The following ELP4 variants were observed in gnomAD, a reference collection of about 807,000 sequenced individuals.
ELP4 encodes elongator acetyltransferase complex subunit 4, also known as elongator complex protein 4.
A neutral mutation model predicts 48.9 loss-of-function variants in ELP4; 51 were observed. That is an observed-to-expected ratio of 1.04 (90% CI 0.83 to 1.32). ELP4 has a LOEUF of 1.32. ELP4 is among the 40% of genes most tolerant of loss of function. The pLI is 0.00. For missense variants in ELP4, 519 were observed against 514.6 expected (o/e 1.01, Z -0.08); for synonymous variants, 210 against 189.2 (o/e 1.11, Z -0.90).
intron 9 of ELP4, among the ~76,000 whole-genome samples, chr11:31,665,231 C>T (rs1945645828): frequency 6.6e-6 from 1 of 152,118 alleles, no homozygotes; most frequent in African/African-American, 2.4e-5. Context: ...CTGAGGTGAA[C>T]ATAGCTACAG....
At chr11:31,544,217 G>A (rs910368016) in intron 3 of ELP4, among the ~76,000 whole-genome samples, 8 of 152,244 alleles carry the variant, frequency 5.3e-5, no homozygotes, top group East Asian at 1.9e-4. Context: ...CTCGGGAAGC[G>A]CAAAGGGTCA....
At chr11:31,575,155 G>T (rs1362715728) in intron 3 of ELP4, among the ~76,000 whole-genome samples, 1 of 152,218 alleles carries the variant, frequency 6.6e-6, no homozygotes, top group Non-Finnish European at 1.5e-5. Context: ...ATAAGCTTCA[G>T]TAGCCAATTT....
At position 31,790,234 on chromosome 11, in the gene ELP4, A is replaced by AC; in HGVS notation, c.*6716dup. The AC allele has an allele frequency of 3.8e-6, 2 of 526,226 alleles. No homozygotes were observed. The highest frequency in any genetic ancestry group is 3.0e-5 in the South Asian group (1 of 33,630). The allele number at this position is 526,226 out of a possible 1,614,324, so 32.6% of individuals were successfully genotyped here. A position where few individuals can be genotyped will look rare whatever the true frequency, so the allele number is the denominator to read the frequency against. On this transcript the variant is annotated 3_prime_UTR_variant, in exon 10 of 10. Transcript: ENST00000640961. The stretch of plus-strand genomic sequence containing the variant: ...TATATATACCTATTGGATCCCAAGT[A>AC]CCCCCCACCCCAATCCAAAGGAAAA...
intron 3 of ELP4, among the ~76,000 whole-genome samples, chr11:31,560,684 A>AACG (rs761710195): frequency 1.8e-5 from 2 of 108,802 alleles, no homozygotes; most frequent in Admixed American, 9.7e-5. Context: ...TAAAGACCAC[A>AACG]TTGTTTTATA....
At chr11:31,565,809 A>C (rs1338564195) in intron 3 of ELP4, among the ~76,000 whole-genome samples, 1 of 152,166 alleles carries the variant, frequency 6.6e-6, no homozygotes, top group African/African-American at 2.4e-5. Context: ...AGGTAGCATG[A>C]TGCCTGCAGC....
At chr11:31,731,614 A>C (rs1236805819) in intron 9 of ELP4, among the ~76,000 whole-genome samples, 1 of 125,068 alleles carries the variant, frequency 8.0e-6, no homozygotes, top group Non-Finnish European at 1.6e-5. Flanking sequence ...TCTGTGAAGA[A>C]GAGAGAAAAA....
At chr11:31,575,703 G>T (rs1255205038) in intron 3 of ELP4, among the ~76,000 whole-genome samples, 3 of 152,164 alleles carry the variant, frequency 2.0e-5, no homozygotes, top group Non-Finnish European at 2.9e-5. Context: ...CTTCATAAGT[G>T]AAGGAGAAAT....
intron 9 of ELP4, among the ~76,000 whole-genome samples, chr11:31,678,523 G>A (rs1945983344): frequency 7.3e-6 from 1 of 137,470 alleles, no homozygotes; most frequent in African/African-American, 3.0e-5. Flanking sequence ...GTGTGTGTGT[G>A]TGTGTGTGTG....
rs1956561697 is a variant in ELP4, at chr11:31,539,645, A to G, written c.260-17A>G. 6.3e-7 allele frequency: 1 copy of G among 1,592,190 alleles called. No individual in the cohort carries two copies. The highest frequency in any genetic ancestry group is 2.3e-5 in the East Asian group (1 of 44,380). On this transcript the variant is annotated splice_polypyrimidine_tract_variant and intron_variant, in intron 2 of 9. Transcript: ENST00000640961. ...TTCTTGCTATATGTTTCTAACTGCAACTTTTCCTTTTTACAGAGGAGGATA... is the reference window on the plus strand; with the variant it reads ...TTCTTGCTATATGTTTCTAACTGCAGCTTTTCCTTTTTACAGAGGAGGATA...
In ELP4 at chr11:31,790,235, C is replaced by T; in HGVS notation, c.*6711C>T. 1 of 527,134 alleles carries T rather than the reference C, an allele frequency of 1.9e-6. No individual in the cohort carries two copies. The highest frequency in any genetic ancestry group is 3.2e-6 in the Non-Finnish European group (1 of 309,644). The allele number at this position is 527,134 out of a possible 1,614,324, so 32.7% of individuals were successfully genotyped here. On this transcript the variant is annotated 3_prime_UTR_variant, in exon 10 of 10. Transcript: ENST00000640961. ...ATATATACCTATTGGATCCCAAGTACCCCCCACCCCAATCCAAAGGAAAAG... is the reference window on the plus strand; with the variant it reads ...ATATATACCTATTGGATCCCAAGTATCCCCCACCCCAATCCAAAGGAAAAG...
At chr11:31,631,107 G>A (rs916025297) in intron 6 of ELP4, among the ~76,000 whole-genome samples, 2 of 152,036 alleles carry the variant, frequency 1.3e-5, no homozygotes, top group Non-Finnish European at 2.9e-5. Context: ...ACATTTCAGT[G>A]TTGTATTCAT....
In ELP4 at chr11:31,714,991, G is replaced by C. The variant is rs1319444948; in HGVS notation, c.1143+64770G>C. The C allele has an allele frequency of 7.6e-6, 3 of 394,030 alleles. No individual in the cohort carries two copies. In the Admixed American group the frequency reaches 1.3e-4, roughly 17 times the overall value. 24.4% of individuals were successfully genotyped at this position (394,030 alleles called of 1,614,324 possible). A position where few individuals can be genotyped will look rare whatever the true frequency, so the allele number is the denominator to read the frequency against. ...TACAGGTTCCAAAGACTGTGGTATG[G>C]ACATTTTTTGAGGACTGTTATTCTG... On this transcript the variant is annotated intron_variant, in intron 9 of 9. Coordinates refer to ENST00000640961, the MANE Select transcript of ELP4 (RefSeq NM_019040.5).
At chr11:31,569,521 T>G (rs2133953948) in intron 3 of ELP4, among the ~76,000 whole-genome samples, 1 of 152,038 alleles carries the variant, frequency 6.6e-6, no homozygotes, top group African/African-American at 2.4e-5. Flanking sequence ...GAGGCCGAGG[T>G]GAGTGGATTA....
At chr11:31,579,325 A>G (rs1357234430) in intron 3 of ELP4, among the ~76,000 whole-genome samples, 1 of 152,222 alleles carries the variant, frequency 6.6e-6, no homozygotes. Context: ...GAACACTTTT[A>G]TACTGTTGGT....
In ELP4 at chr11:31,650,105, T is replaced by A. The variant is rs764188015; in HGVS notation, c.1037-10T>A. 1 of 1,192,452 alleles carries A rather than the reference T, an allele frequency of 8.4e-7. No homozygotes were observed. The highest frequency in any genetic ancestry group is 1.4e-5 in the South Asian group (1 of 73,424). The allele number at this position is 1,192,452 out of a possible 1,614,324, so 73.9% of individuals were successfully genotyped here. ...TTAAATTTTTTTTCTTTTAATTTCTTTTCCACAAGGATTGATTCATATACG... is the reference window on the plus strand; with the variant it reads ...TTAAATTTTTTTTCTTTTAATTTCTATTCCACAAGGATTGATTCATATACG... On this transcript the variant is annotated splice_polypyrimidine_tract_variant and intron_variant, in intron 8 of 9. Coordinates refer to ENST00000640961, the MANE Select transcript of ELP4 (RefSeq NM_019040.5).
At chr11:31,755,511 A>T (rs1324101354) in intron 9 of ELP4, among the ~76,000 whole-genome samples, 1 of 152,250 alleles carries the variant, frequency 6.6e-6, no homozygotes, top group Non-Finnish European at 1.5e-5. Flanking sequence ...TGAGAAGCAG[A>T]CATTATTTTT....
At chr11:31,674,203 T>C (rs139062274) in intron 9 of ELP4, among the ~76,000 whole-genome samples, 1 of 152,362 alleles carries the variant, frequency 6.6e-6, no homozygotes, top group African/African-American at 2.4e-5. Context: ...GTGGAATCTC[T>C]TGAAATTTTT....
intron 3 of ELP4, among the ~76,000 whole-genome samples, chr11:31,564,065 G>T (rs1174315841): frequency 6.6e-6 from 1 of 152,128 alleles, no homozygotes; most frequent in Non-Finnish European, 1.5e-5. Flanking sequence ...AAATGGTATA[G>T]ATTATAGTAG....
chr11:31,598,345 C>T (rs567474106), intron 4 of ELP4, among the ~76,000 whole-genome samples: 3 of 151,932 alleles, frequency 2.0e-5, no homozygotes, highest in Admixed American at 6.6e-5. Context: ...TTTATAAATT[C>T]GAATCATAGA....
Sources: gnomAD v4.1 joint callset for allele counts (sites outside exome capture counted in the v4.1 genomes callset) on GRCh38, gnomAD v4.1.1 for gene constraint, MANE v1.5 for transcripts, NCBI Gene and HGNC (gene_info 2026-07-23, HGNC 2026-07-21) for gene names.